Variants in SORBS2 observed in about 807,000 individuals in gnomAD.
The protein encoded by SORBS2 is sorbin and SH3 domain containing 2.
In SORBS2, 46 loss-of-function variants were observed where a neutral mutation model predicts 97.7. The ratio of observed to expected loss-of-function variants is 0.47; its 90% CI spans 0.37 to 0.60. The LOEUF is 0.60. Ranked by LOEUF, SORBS2 falls within the 20% of genes least tolerant of loss-of-function variation. The pLI, the probability that SORBS2 is intolerant of heterozygous loss-of-function variation, is 0.00. For missense variants in SORBS2, 1,316 were observed against 1,282.3 expected (o/e 1.03, Z -0.40); for synonymous variants, 476 against 473.4 (o/e 1.01, Z -0.07).
intron 2 of SORBS2, among the ~76,000 whole-genome samples, chr4:185,692,735 C>G (rs1019174682): frequency 1.3e-5 from 2 of 151,916 alleles, no homozygotes; most frequent in African/African-American, 4.8e-5. Context: ...AATTATAAAG[C>G]AAGATTTTAT....
exon 15 of SORBS2, chr4:185,587,426 C>T (rs1425237276): frequency 1.4e-5 from 8 of 567,448 alleles, no homozygotes; most frequent in East Asian, 3.0e-5. Flanking sequence ...CACACTTTCA[C>T]GGAGGGGGAC....
chr4:185,764,867 C>T (rs962825449), intron 2 of SORBS2, among the ~76,000 whole-genome samples: 1 of 152,090 alleles, frequency 6.6e-6, no homozygotes, highest in Non-Finnish European at 1.5e-5. Context: ...ATTGGAAGTG[C>T]CTTCCTACCT....
chr4:185,837,719 A>C lies in SORBS2; in HGVS notation c.-337-62353T>G, dbSNP rs7660216. On this transcript the variant is annotated intron_variant, in intron 1 of 20. Coordinates refer to the SORBS2 transcript ENST00000284776. Reference sequence around the variant, plus strand: ...AGATATTCCTTTTGCAAAGCCTATAATCTCTATGTAGTTAATCAGCATAAA... The same window carrying C: ...AGATATTCCTTTTGCAAAGCCTATACTCTCTATGTAGTTAATCAGCATAAA... Among the ~76,000 whole-genome samples the C allele has an allele frequency of 3.5e-3, 527 of 152,282 alleles. 3 individuals are homozygous for C. The highest frequency in any genetic ancestry group is 0.012 in the African/African-American group (498 of 41,566).
At chr4:185,827,066 TCAC>T (rs2099200394) in intron 1 of SORBS2, among the ~76,000 whole-genome samples, 1 of 92,212 alleles carries the variant, frequency 1.1e-5, no homozygotes, top group Non-Finnish European at 2.4e-5. Flanking sequence ...ATCATCATCA[TCAC>T]CATCATCATC....
At chr4:185,815,651 A>T (rs752236893) in intron 1 of SORBS2, among the ~76,000 whole-genome samples, 3 of 151,986 alleles carry the variant, frequency 2.0e-5, no homozygotes, top group Non-Finnish European at 4.4e-5. Context: ...GTATACGCAC[A>T]CACATATATA....
chr4:185,857,774 G>A (rs1013959224), intron 1 of SORBS2, among the ~76,000 whole-genome samples: 10 of 152,178 alleles, frequency 6.6e-5, no homozygotes. Flanking sequence ...ATACGCCCTG[G>A]TCTCCTGCAG....
intron 2 of SORBS2, among the ~76,000 whole-genome samples, chr4:185,680,668 A>C (rs2153503358): frequency 6.6e-6 from 1 of 152,146 alleles, no homozygotes; most frequent in East Asian, 1.9e-4. Flanking sequence ...ACTGAGATAA[A>C]AAAGAAGGCT....
chr4:185,754,613 G>A (rs1334521257), intron 2 of SORBS2, among the ~76,000 whole-genome samples: 2 of 152,022 alleles, frequency 1.3e-5, no homozygotes, highest in Non-Finnish European at 2.9e-5. Flanking sequence ...GTGTACAGTC[G>A]GCCAACTACC....
At chr4:185,926,734 G>A (rs752306836) in intron 1 of SORBS2, among the ~76,000 whole-genome samples, 2 of 152,018 alleles carry the variant, frequency 1.3e-5, no homozygotes, top group East Asian at 3.8e-4. Flanking sequence ...GGAAACATGC[G>A]AGGTTAATTG....
chr4:185,748,772 A>T (rs541992823), intron 2 of SORBS2, among the ~76,000 whole-genome samples: 1 of 152,238 alleles, frequency 6.6e-6, no homozygotes, highest in Admixed American at 6.5e-5. Flanking sequence ...AATGATAGCT[A>T]AACCTGGCTT....
chr4:185,826,674 G>A (rs900275282), intron 1 of SORBS2, among the ~76,000 whole-genome samples: 1 of 152,272 alleles, frequency 6.6e-6, no homozygotes, highest in Non-Finnish European at 1.5e-5. Flanking sequence ...GGAAGGATAA[G>A]AGGCCAATGA....
At chr4:185,938,916 A>T (rs958462886) in intron 1 of SORBS2, among the ~76,000 whole-genome samples, 3 of 152,198 alleles carry the variant, frequency 2.0e-5, no homozygotes. Flanking sequence ...GCAACAAAGA[A>T]AAAGGATGCA....
At chr4:185,666,498 T>G (rs1269096893) in intron 4 of SORBS2, among the ~76,000 whole-genome samples, 2 of 152,198 alleles carry the variant, frequency 1.3e-5, no homozygotes, top group African/African-American at 4.8e-5. Flanking sequence ...CTCAGGAGTT[T>G]TAGTTTTTGT....
intron 1 of SORBS2, among the ~76,000 whole-genome samples, chr4:185,873,243 A>G (rs2099231401): frequency 6.6e-6 from 1 of 152,166 alleles, no homozygotes; most frequent in Non-Finnish European, 1.5e-5. Flanking sequence ...CTTTTCTGAC[A>G]CACCGTTTGC....
intron 5 of SORBS2, among the ~76,000 whole-genome samples, chr4:185,629,450 T>C (rs1482529721): frequency 6.6e-6 from 1 of 151,922 alleles, no homozygotes; most frequent in Non-Finnish European, 1.5e-5. Flanking sequence ...CATAGAAGGG[T>C]AAATTAATGC....
At chr4:185,643,326 G>C (rs571160213) in intron 4 of SORBS2, among the ~76,000 whole-genome samples, 3 of 152,322 alleles carry the variant, frequency 2.0e-5, no homozygotes, top group African/African-American at 7.2e-5. Context: ...GGAATTGAAA[G>C]TTCTCTGTGC....
At chr4:185,603,069 A>C (rs193140560) in intron 12 of SORBS2, among the ~76,000 whole-genome samples, 2 of 152,350 alleles carry the variant, frequency 1.3e-5, no homozygotes, top group East Asian at 3.9e-4. Context: ...TTCTGCAAAC[A>C]ACGGAAACTT....
intron 12 of SORBS2, among the ~76,000 whole-genome samples, chr4:185,598,140 T>A (rs558103000): frequency 2.6e-4 from 40 of 152,240 alleles, no homozygotes; most frequent in Non-Finnish European, 4.4e-4. Context: ...GAAAGATGGC[T>A]TTCAACTGAC....
chr4:185,594,662 G>C (rs560414878), intron 12 of SORBS2, among the ~76,000 whole-genome samples: 1 of 152,270 alleles, frequency 6.6e-6, no homozygotes, highest in South Asian at 2.1e-4. Flanking sequence ...ATCTGTAATA[G>C]ATACTTATAA....
Sources: allele counts gnomAD v4.1 joint callset (sites outside exome capture counted in the v4.1 genomes callset), GRCh38; gene constraint gnomAD v4.1.1; transcripts MANE v1.5; gene names NCBI Gene and HGNC (gene_info 2026-07-23, HGNC 2026-07-21).